RTF2: variants seen among roughly 807,000 people sequenced by gnomAD.
The protein encoded by RTF2 is replication termination factor 2.
Under a neutral mutation model 38.0 loss-of-function variants are expected in RTF2, and 18 were observed. The ratio of observed to expected loss-of-function variants is 0.47; its 90% confidence interval spans 0.33 to 0.70. RTF2 has a LOEUF of 0.70. RTF2 is among the 30% of genes least tolerant of loss of function. The pLI is 0.02. For missense variants in RTF2, 311 were observed against 379.6 expected (o/e 0.82, Z 1.50); for synonymous variants, 126 against 137.1 (o/e 0.92, Z 0.57).
Position 56,518,981 on chromosome 20 carries a change from A to C in RTF2, c.*716A>C, listed in dbSNP as rs1217918323. ...ATTACAGGAGTCATTCCATGAAGTC[A>C]GAAGAACCCACCCTTCTCTCCTCCA... On this transcript the variant is annotated 3_prime_UTR_variant, in exon 9 of 9. Transcript: ENST00000357348. 6.6e-6 allele frequency: 1 copy of C among 152,246 alleles called. No individual in the cohort carries two copies. 9.4% of individuals were successfully genotyped at this position (152,246 alleles called of 1,614,324 possible).
intron 6 of RTF2, 136 bp from the exon 7 acceptor site, chr20:56,516,799 T>C: frequency 3.9e-6 from 3 of 765,122 alleles, no homozygotes; most frequent in East Asian, 2.4e-5. Context: ...TCAAAAGCCT[T>C]CTTCAGAGTG....
chr20:56,516,798 T>G (rs1462339850), intron 6 of RTF2, 137 bp from the exon 7 acceptor site: 16 of 760,426 alleles, frequency 2.1e-5, no homozygotes, highest in Non-Finnish European at 3.2e-5. Flanking sequence ...ATCAAAAGCC[T>G]TCTTCAGAGT....
At position 56,484,077 on chromosome 20, in the gene RTF2, A is replaced by T. The variant is rs747289042; in HGVS notation, c.399-34A>T. 9.4e-6 allele frequency: 15 copies of T among 1,587,884 alleles called. No homozygotes were observed. In the Admixed American group the frequency reaches 2.2e-4, roughly 23 times the overall value. On this transcript the variant is annotated intron_variant, in intron 4 of 8. Transcript: ENST00000357348. ...TAAATGTGAATTGATCATGTGATTA[A>T]TACAGTCCTTCCCCCACTGGGTTAT...
In RTF2 at chr20:56,487,582, G is replaced by C. The variant is rs1982862740; in HGVS notation, c.477+3393G>C. Among the ~76,000 whole-genome samples, 5 of 152,226 alleles carry C rather than the reference G, an allele frequency of 3.3e-5. No homozygotes were observed. The South Asian group carries it at 1.0e-3, about 31-fold the overall frequency. On this transcript the variant is annotated intron_variant, in intron 5 of 8. Coordinates refer to ENST00000357348, the MANE Select transcript of RTF2 (RefSeq NM_016407.5). Reference sequence around the variant, plus strand: ...TCTGTTGCCAACAAAGAATGAACGAGATAATGAATTATTTTTACTTTTATA... The same window carrying C: ...TCTGTTGCCAACAAAGAATGAACGACATAATGAATTATTTTTACTTTTATA...
At chr20:56,511,313 A>G (rs1446723216) in intron 5 of RTF2, among the ~76,000 whole-genome samples, 3 of 152,060 alleles carry the variant, frequency 2.0e-5, no homozygotes, top group Non-Finnish European at 4.4e-5. Flanking sequence ...TCTTAGGAGC[A>G]CAAACCCTGT....
intron 4 of RTF2, among the ~76,000 whole-genome samples, chr20:56,480,514 T>C (rs956300466): frequency 4.6e-5 from 7 of 152,254 alleles, no homozygotes; most frequent in Non-Finnish European, 1.5e-5. Context: ...GTGGCACTTT[T>C]AATTTCCTTC....
chr20:56,487,815 C>T (rs35580747), intron 5 of RTF2, among the ~76,000 whole-genome samples: 28,390 of 152,190 alleles, frequency 0.19, 3,502 homozygotes, highest in Non-Finnish European at 0.27. Flanking sequence ...GGCTTCTAGA[C>T]GGCCTTCGCC....
At chr20:56,470,759 C>T (rs1414364619) in intron 1 of RTF2, 5 of 438,074 alleles carry the variant, frequency 1.1e-5, no homozygotes, top group African/African-American at 1.0e-4. Context: ...GTGGTGGGGT[C>T]TCCATAAAGA....
intron 5 of RTF2, among the ~76,000 whole-genome samples, chr20:56,500,377 T>TA (rs1467620425): frequency 2.6e-5 from 4 of 152,198 alleles, no homozygotes; most frequent in Non-Finnish European, 4.4e-5. Flanking sequence ...TAAGATAACT[T>TA]GTGAAAGCGT....
chr20:56,493,519 G>A (rs1296510610), intron 5 of RTF2, among the ~76,000 whole-genome samples: 1 of 151,986 alleles, frequency 6.6e-6, no homozygotes, highest in East Asian at 1.9e-4. Flanking sequence ...AGCTGGGTTT[G>A]GTGGCTTACA....
At chr20:56,498,208 A>T (rs2146348500) in intron 5 of RTF2, among the ~76,000 whole-genome samples, 1 of 152,296 alleles carries the variant, frequency 6.6e-6, no homozygotes. Flanking sequence ...TGCATATAAG[A>T]CTAATCTTTC....
At chr20:56,481,459 T>G (rs951958678) in intron 4 of RTF2, among the ~76,000 whole-genome samples, 2 of 152,246 alleles carry the variant, frequency 1.3e-5, no homozygotes, top group Non-Finnish European at 2.9e-5. Flanking sequence ...TTTTAAATAT[T>G]ACACTCTTCT....
rs1215722360 is a variant in RTF2, at chr20:56,468,832, G to C, written c.69+66G>C. On this transcript the variant is annotated intron_variant, in intron 1 of 8. Transcript: ENST00000357348. Reference sequence around the variant, plus strand: ...GGAATTTGACGACCCCAGAAAACGAGAGGAAGTAAGAAGGGGGAGCCAGCG... The same window carrying C: ...GGAATTTGACGACCCCAGAAAACGACAGGAAGTAAGAAGGGGGAGCCAGCG... 6 of 1,370,898 alleles carry C rather than the reference G, an allele frequency of 4.4e-6. No individual in the cohort carries two copies. In the East Asian group the frequency reaches 1.3e-4, roughly 29 times the overall value. The allele number at this position is 1,370,898 out of a possible 1,614,324, so 84.9% of individuals were successfully genotyped here. A position where few individuals can be genotyped will look rare whatever the true frequency, so the allele number is the denominator to read the frequency against.
chr20:56,508,407 A>G (rs1351348355), intron 5 of RTF2, among the ~76,000 whole-genome samples: 2 of 152,148 alleles, frequency 1.3e-5, no homozygotes, highest in Non-Finnish European at 2.9e-5. Flanking sequence ...TGTTAAAATT[A>G]CTGTTCCAGT....
chr20:56,495,658 A>G (rs1443880077), intron 5 of RTF2, among the ~76,000 whole-genome samples: 1 of 152,104 alleles, frequency 6.6e-6, no homozygotes, highest in Non-Finnish European at 1.5e-5. Context: ...TTTTCTCTGT[A>G]ACAGCCCTCG....
At chr20:56,512,217 T>C (rs1284355966) in intron 5 of RTF2, among the ~76,000 whole-genome samples, 1 of 152,128 alleles carries the variant, frequency 6.6e-6, no homozygotes, top group Non-Finnish European at 1.5e-5. Flanking sequence ...CCAGGTGGCC[T>C]AGACAGATGG....
rs754692122 is a variant in RTF2, at chr20:56,476,972, T to C, written c.259-13T>C. 2.5e-6 allele frequency: 4 copies of C among 1,613,352 alleles called. No individual in the cohort carries two copies. The South Asian group carries it at 3.3e-5, about 13-fold the overall frequency. ...ATCAAATGAATTGTTAAAATATTAA[T>C]GGTTTTTCCCAGAATGTGACAGAGC... On this transcript the variant is annotated splice_polypyrimidine_tract_variant and intron_variant, in intron 3 of 8. Coordinates refer to ENST00000357348, the MANE Select transcript of RTF2 (RefSeq NM_016407.5).
intron 5 of RTF2, among the ~76,000 whole-genome samples, chr20:56,488,089 G>A (rs747950440): frequency 7.9e-5 from 12 of 152,172 alleles, no homozygotes; most frequent in Non-Finnish European, 1.3e-4. Flanking sequence ...GGCCAGACAT[G>A]GTGGCTCACG....
chr20:56,495,334 C>G, intron 5 of RTF2: 2 of 1,457,542 alleles, frequency 1.4e-6, no homozygotes, highest in Non-Finnish European at 1.9e-6. Flanking sequence ...AGTGTGGAAT[C>G]TGCTTCCCAG....
Sources: allele counts gnomAD v4.1 joint callset (sites outside exome capture counted in the v4.1 genomes callset), GRCh38; gene constraint gnomAD v4.1.1; transcripts MANE v1.5; gene names NCBI Gene and HGNC (gene_info 2026-07-23, HGNC 2026-07-21).